The following LINGO2 variants were observed in gnomAD, a reference collection of about 807,000 sequenced individuals.
LINGO2 encodes the protein leucine-rich repeat and immunoglobulin-like domain-containing nogo receptor-interacting protein 2.
LINGO2 carries 14 observed loss-of-function variants against 30.6 expected under a neutral mutation model. The observed-to-expected ratio is 0.46, with a 90% CI of 0.30 to 0.72. The LOEUF (loss-of-function observed/expected upper bound fraction) is 0.72, where lower values mean the gene tolerates loss of function less well. Among genes scored for constraint, LINGO2 ranks in the 30% least tolerant of loss-of-function variants. The pLI is 0.07. For missense variants in LINGO2, 729 were observed against 751.7 expected, an observed-to-expected ratio of 0.97 and a Z score of 0.35; for synonymous variants, 317 against 288.5, an observed-to-expected ratio of 1.10 and a Z score of -1.00.
chr9:28,543,244 T>C (rs1406226850), intron 1 of LINGO2, among the ~76,000 whole-genome samples: 1 of 152,154 alleles, frequency 6.6e-6, no homozygotes, highest in African/African-American at 2.4e-5. Flanking sequence ...TAAATGTCTA[T>C]TTAAACTTAT....
chr9:28,019,629 G>A (rs1823015898), intron 4 of LINGO2, among the ~76,000 whole-genome samples: 1 of 152,028 alleles, frequency 6.6e-6, no homozygotes, highest in Non-Finnish European at 1.5e-5. Context: ...TCTTTAAGTG[G>A]TAGGGTCATG....
At chr9:28,298,631 C>T (rs1377390626) in intron 3 of LINGO2, among the ~76,000 whole-genome samples, 3 of 149,586 alleles carry the variant, frequency 2.0e-5, no homozygotes, top group Non-Finnish European at 3.0e-5. Context: ...TGTGGTGAGC[C>T]GAGATTGTGC....
At chr9:28,910,740 C>A in the LINGO2 span, among the ~76,000 whole-genome samples, 5 of 151,958 alleles carry the variant, frequency 3.3e-5, no homozygotes, top group African/African-American at 2.4e-5. Context: ...GCCTGAAGAA[C>A]CATGAACCAA....
intron 5 of LINGO2, among the ~76,000 whole-genome samples, chr9:28,002,952 A>G (rs898358788): frequency 2.6e-5 from 4 of 152,178 alleles, no homozygotes; most frequent in Non-Finnish European, 1.5e-5. Flanking sequence ...CATCCTGTCC[A>G]TGGATAGTTG....
chr9:29,124,639 G>A, the LINGO2 span, among the ~76,000 whole-genome samples: 8 of 152,272 alleles, frequency 5.3e-5, no homozygotes, highest in Non-Finnish European at 1.2e-4. Flanking sequence ...AGACATTTAT[G>A]TGGCCATCAA....
chr9:28,805,966 T>G, the LINGO2 span, among the ~76,000 whole-genome samples: 1 of 152,256 alleles, frequency 6.6e-6, no homozygotes, highest in Non-Finnish European at 1.5e-5. Flanking sequence ...GTATAAAATA[T>G]CCTTGAAAAT....
intron 3 of LINGO2, among the ~76,000 whole-genome samples, chr9:28,346,994 T>C (rs1310136822): frequency 1.3e-5 from 2 of 152,204 alleles, no homozygotes; most frequent in Non-Finnish European, 2.9e-5. Flanking sequence ...TTTACTCTGT[T>C]GATAATTTCT....
At chr9:28,422,292 T>C (rs540484229) in intron 2 of LINGO2, among the ~76,000 whole-genome samples, 40 of 152,196 alleles carry the variant, frequency 2.6e-4, no homozygotes, top group African/African-American at 8.7e-4. Context: ...ATCCAGAATA[T>C]ATAAATAATT....
rs998682942 is a variant in LINGO2 at position 28,300,390 on chromosome 9, C to A, written c.-245-5024G>T. On this transcript the variant is annotated intron_variant, in intron 3 of 5. Coordinates refer to ENST00000379992, the Ensembl canonical transcript of LINGO2. ...AGGTAACGCTATCAATCACTGAGAACGCAGGGCCTGATACTCAAGCACAAT... is the reference window on the plus strand; with the variant it reads ...AGGTAACGCTATCAATCACTGAGAAAGCAGGGCCTGATACTCAAGCACAAT... 2.0e-5 allele frequency among the ~76,000 whole-genome samples: 3 copies of A among 152,116 alleles called. No individual in the cohort carries two copies. In the East Asian group the frequency reaches 5.8e-4, roughly 29 times the overall value.
the LINGO2 span, among the ~76,000 whole-genome samples, chr9:28,689,265 G>T: frequency 5.3e-5 from 8 of 152,086 alleles, no homozygotes; most frequent in African/African-American, 1.9e-4. Context: ...CAGCCAACAA[G>T]AAATCAGGAC....
At chr9:28,434,861 T>C (rs1160802120) in intron 2 of LINGO2, among the ~76,000 whole-genome samples, 1 of 152,166 alleles carries the variant, frequency 6.6e-6, no homozygotes, top group Non-Finnish European at 1.5e-5. Context: ...GGAACACTTG[T>C]ACAAAAGAAG....
At chr9:27,952,198 A>C (rs961484113) in intron 5 of LINGO2, among the ~76,000 whole-genome samples, 2 of 152,076 alleles carry the variant, frequency 1.3e-5, no homozygotes, top group Non-Finnish European at 2.9e-5. Context: ...TTTCTTGTCT[A>C]CACAAACCAT....
rs193254426 is a variant in LINGO2 at position 27,952,013 on chromosome 9, G to A, written c.-35-1307C>T. On this transcript the variant is annotated intron_variant, in intron 5 of 5. Transcript: ENST00000379992. ...CTAGGCAAAAACCCAGAAAGTGCTA[G>A]CAAATCAATTAGATAGGAAGAGGTA... Among the ~76,000 whole-genome samples the A allele has an allele frequency of 8.7e-4, 132 of 152,052 alleles. 1 individual carries two copies. The highest frequency in any genetic ancestry group is 1.5e-4 in the Non-Finnish European group (10 of 67,902).
intron 4 of LINGO2, among the ~76,000 whole-genome samples, chr9:28,128,959 C>T (rs184033101): frequency 6.6e-6 from 1 of 152,174 alleles, no homozygotes; most frequent in South Asian, 2.1e-4. Flanking sequence ...GAAAAGCAAG[C>T]AGGAGGTAGA....
At chr9:28,674,192 A>C (rs1829133791), upstream of LINGO2, among the ~76,000 whole-genome samples, 1 of 152,150 alleles carries the variant, frequency 6.6e-6, no homozygotes, top group Non-Finnish European at 1.5e-5. Context: ...CGTGACCCTA[A>C]CTTCAAGGCT....
At chr9:28,346,052 G>C (rs1469867539) in intron 3 of LINGO2, among the ~76,000 whole-genome samples, 1 of 152,102 alleles carries the variant, frequency 6.6e-6, no homozygotes, top group Non-Finnish European at 1.5e-5. Context: ...CAGAAACAAA[G>C]ACCATCATTT....
At chr9:28,172,054 C>G (rs866987359) in intron 4 of LINGO2, among the ~76,000 whole-genome samples, 5 of 138,930 alleles carry the variant, frequency 3.6e-5, no homozygotes, top group Admixed American at 1.5e-4. Flanking sequence ...AACCCAGCAT[C>G]TCCTACCACT....
chr9:28,179,068 G>A (rs901389092), intron 4 of LINGO2, among the ~76,000 whole-genome samples: 2 of 151,870 alleles, frequency 1.3e-5, no homozygotes, highest in African/African-American at 4.8e-5. Context: ...CCGCAGCATG[G>A]AGCAAGTGTT....
chr9:29,000,922 C>T, the LINGO2 span, among the ~76,000 whole-genome samples: 2 of 151,864 alleles, frequency 1.3e-5, no homozygotes, highest in African/African-American at 2.4e-5. Context: ...TACTTTGAAC[C>T]ATTTTAATAG....
Sources: allele counts gnomAD v4.1 joint callset (sites outside exome capture counted in the v4.1 genomes callset), GRCh38; gene constraint gnomAD v4.1.1; transcripts MANE v1.5; gene names NCBI Gene and HGNC (gene_info 2026-07-23, HGNC 2026-07-21).